The following CWC22 variants were observed in gnomAD, a reference collection of about 807,000 sequenced individuals.
The protein encoded by CWC22 is CWC22 spliceosome associated protein.
CWC22 carries 53 observed loss-of-function variants against 117.2 expected under a neutral mutation model. The ratio of observed to expected loss-of-function variants is 0.45; its 90% CI spans 0.36 to 0.57. The LOEUF (loss-of-function observed/expected upper bound fraction) is 0.57. Ranked by LOEUF, CWC22 falls within the 20% of genes least tolerant of loss-of-function variation. The pLI is 0.00. For synonymous variants in CWC22, 360 were observed against 355.6 expected (o/e 1.01, Z -0.14); for missense variants, 980 against 1,068.8 (o/e 0.92, Z 1.16).
chr2:179,986,505 T>A (rs903427343), intron 4 of CWC22, among the ~76,000 whole-genome samples, 190 bp downstream of exon 4: 1 of 152,174 alleles, frequency 6.6e-6, no homozygotes, highest in Non-Finnish European at 1.5e-5. Context: ...AAAGCAGACA[T>A]ACTAGCACCT....
chr2:179,969,341 G>A (rs1478258239), intron 11 of CWC22, among the ~76,000 whole-genome samples: 2 of 152,168 alleles, frequency 1.3e-5, no homozygotes, highest in Non-Finnish European at 2.9e-5. Context: ...ATATTACAGT[G>A]AAAAGCTCCT....
intron 4 of CWC22, among the ~76,000 whole-genome samples, chr2:179,983,142 G>A (rs1452499019): frequency 6.6e-6 from 1 of 152,038 alleles, no homozygotes; most frequent in South Asian, 2.1e-4. Flanking sequence ...ACAAGTGCAG[G>A]TTTATTACAT....
chr2:179,968,234 T>G (rs181584288), intron 11 of CWC22, among the ~76,000 whole-genome samples: 1 of 152,358 alleles, frequency 6.6e-6, no homozygotes, highest in East Asian at 1.9e-4. Flanking sequence ...TGGATTCTAA[T>G]GCAACACTAT....
chr2:179,948,255 AG>A (rs1265186121), intron 19 of CWC22, among the ~76,000 whole-genome samples: 2 of 152,146 alleles, frequency 1.3e-5, no homozygotes, highest in Non-Finnish European at 2.9e-5. Context: ...CCACAGGATA[AG>A]ATAAATAACC....
At chr2:179,972,659 TTAA>T (rs1687060687) in intron 8 of CWC22, among the ~76,000 whole-genome samples, 1 of 152,190 alleles carries the variant, frequency 6.6e-6, no homozygotes, top group Non-Finnish European at 1.5e-5. Context: ...TTAAGTCAGA[TTAA>T]TTTGATAAAT....
intron 2 of CWC22, among the ~76,000 whole-genome samples, chr2:179,991,765 G>A (rs1223815006): frequency 1.3e-5 from 2 of 152,106 alleles, no homozygotes; most frequent in Non-Finnish European, 2.9e-5. Context: ...CCACCTACTA[G>A]GTCCTCAATA....
Position 179,963,777 on chromosome 2 carries a change from T to A in CWC22, c.1397+770A>T, listed in dbSNP as rs191800445. On this transcript the variant is annotated intron_variant, in intron 13 of 19. Transcript: ENST00000410053. ...AAAAAATGTTCAGACTGAAAACAGA[T>A]GACTCCTACTTATGAATCATTACTG... Among the ~76,000 whole-genome samples, 217 of 152,322 alleles carry A rather than the reference T, an allele frequency of 1.4e-3. 1 individual carries two copies. The highest frequency in any genetic ancestry group is 2.7e-3 in the Admixed American group (41 of 15,296).
chr2:179,990,108 AG>A (rs1282699927), intron 2 of CWC22, among the ~76,000 whole-genome samples: 1 of 152,220 alleles, frequency 6.6e-6, no homozygotes, highest in East Asian at 1.9e-4. Context: ...TAATTTATAT[AG>A]GTGAATAAGC....
At chr2:179,983,924 C>T (rs16867131) in intron 4 of CWC22, among the ~76,000 whole-genome samples, 13,521 of 152,198 alleles carry the variant, frequency 0.089, 716 homozygotes, top group Non-Finnish European at 0.12. Flanking sequence ...AGAGAGCTAG[C>T]TGGCTGATAA....
At position 179,970,637 on chromosome 2, in the gene CWC22, G is replaced by A; in HGVS notation, c.1147+13C>T. On this transcript the variant is annotated intron_variant, in intron 10 of 19. Coordinates refer to ENST00000410053, the MANE Select transcript of CWC22 (RefSeq NM_020943.3). ...TGGTAAGCCTCTTTCCAACTAACAT[G>A]CCCCGGACTTACTAAGAACATCTTC... 6.2e-7 allele frequency: 1 copy of A among 1,608,544 alleles called. No individual in the cohort carries two copies. Among genetic ancestry groups the A allele is most frequent in the Non-Finnish European group, 8.5e-7 (1 of 1,176,948 alleles).
chr2:179,945,086 C>A lies in CWC22; in HGVS notation c.*43G>T. Reference sequence around the variant, plus strand: ...CGTCAAAGTAAAAAATAATTTGTTTCAACTGAATATAAGGCATGTCCAGTT... The same window carrying A: ...CGTCAAAGTAAAAAATAATTTGTTTAAACTGAATATAAGGCATGTCCAGTT... On this transcript the variant is annotated 3_prime_UTR_variant, in exon 20 of 20. Coordinates refer to ENST00000410053, the MANE Select transcript of CWC22 (RefSeq NM_020943.3). 1 of 1,338,440 alleles carries A rather than the reference C, an allele frequency of 7.5e-7. No individual in the cohort carries two copies. Among genetic ancestry groups the A allele is most frequent in the South Asian group, 1.4e-5 (1 of 69,462 alleles). The allele number at this position is 1,338,440 out of a possible 1,614,324, so 82.9% of individuals were successfully genotyped here. A position where few individuals can be genotyped will look rare whatever the true frequency, so the allele number is the denominator to read the frequency against.
In CWC22 at chr2:179,979,821, C is replaced by T. The variant is rs1687243867; in HGVS notation, c.453-1503G>A. On this transcript the variant is annotated intron_variant, in intron 5 of 19. Transcript: ENST00000410053. Reference sequence around the variant, plus strand: ...AAGTGGCCTGATTAATAAGATGTTGCTCATATACAATCACAACCTATCTTA... The same window carrying T: ...AAGTGGCCTGATTAATAAGATGTTGTTCATATACAATCACAACCTATCTTA... Among the ~76,000 whole-genome samples, 3 of 152,108 alleles carry T rather than the reference C, an allele frequency of 2.0e-5. No individual in the cohort carries two copies. In the South Asian group the frequency reaches 6.2e-4, roughly 31 times the overall value.
intron 8 of CWC22, 42 bp from the exon 9 acceptor site, chr2:179,971,118 T>C (rs775025363): frequency 1.6e-6 from 2 of 1,276,784 alleles, no homozygotes; most frequent in South Asian, 1.6e-5. Flanking sequence ...AAAATGCTTT[T>C]ACATACATTA....
Position 179,950,507 on chromosome 2 carries a change from A to C in CWC22, c.2140+5T>G. 6.3e-7 allele frequency: 1 copy of C among 1,584,498 alleles called. No individual in the cohort carries two copies. Among genetic ancestry groups the C allele is most frequent in the Non-Finnish European group, 8.6e-7 (1 of 1,157,162 alleles). On this transcript the variant is annotated splice_donor_5th_base_variant and intron_variant, in intron 19 of 19. Transcript: ENST00000410053. ...GCAAGCCAAATTACACATAAGCTTCAATACCTGAGGCAGAGCTATGACTAC... is the reference window on the plus strand; with the variant it reads ...GCAAGCCAAATTACACATAAGCTTCCATACCTGAGGCAGAGCTATGACTAC...
At chr2:179,945,903 A>G (rs914141244) in intron 19 of CWC22, among the ~76,000 whole-genome samples, 188 bp from the exon 20 acceptor site, 1 of 152,118 alleles carries the variant, frequency 6.6e-6, no homozygotes, top group African/African-American at 2.4e-5. Context: ...TTATTTTTTG[A>G]GACAGTTTTG....
intron 12 of CWC22, 94 bp downstream of exon 12, chr2:179,965,784 C>T (rs1381211184): frequency 1.1e-5 from 12 of 1,096,378 alleles, no homozygotes; most frequent in South Asian, 1.8e-5. Context: ...TGTCCTTGCT[C>T]TCCCCAAAGA....
At chr2:179,956,716 T>TA in intron 14 of CWC22, among the ~76,000 whole-genome samples, 1 of 151,440 alleles carries the variant, frequency 6.6e-6, no homozygotes, top group South Asian at 2.1e-4. Flanking sequence ...TACTAAAAAC[T>TA]AAAAAAATAA....
intron 14 of CWC22, among the ~76,000 whole-genome samples, chr2:179,956,662 T>C (rs1686599310): frequency 6.6e-6 from 1 of 151,162 alleles, no homozygotes; most frequent in Admixed American, 6.6e-5. Context: ...TGTTTATAAA[T>C]GTGTAAGTTC....
rs1307605242 is a variant in CWC22 at position 179,950,569 on chromosome 2, C to T, written c.2083G>A (p.Glu695Lys). Residue 695 changes from glutamate (E) to lysine (K), a missense_variant, in exon 19 of 20, where the codon GAG becomes AAG. By Grantham distance (56) the Glu-to-Lys change is moderately conservative. This residue lies in a region of CWC22 where 306 missense variants were observed against 296.8 expected (regional missense o/e 1.03). Transcript: ENST00000410053. ...SDSDSSDSSS[E>K]SSSEESDSSS... ...GAGTCGCTCTCTTCACTGGAAGACTCTGAACTGCTATCACTGCTGTCAGAA... is the reference window on the plus strand; with the variant it reads ...GAGTCGCTCTCTTCACTGGAAGACTTTGAACTGCTATCACTGCTGTCAGAA... The T allele has an allele frequency of 8.1e-6, 13 of 1,613,238 alleles. No homozygotes were observed. Among genetic ancestry groups the T allele is most frequent in the Non-Finnish European group, 1.1e-5 (13 of 1,179,538 alleles).
Sources: allele counts gnomAD v4.1 joint callset (sites outside exome capture counted in the v4.1 genomes callset), GRCh38; gene constraint gnomAD v4.1.1; regional missense constraint gnomAD v4.1.1; transcripts MANE v1.5; gene names NCBI Gene and HGNC (gene_info 2026-07-23, HGNC 2026-07-21).